The following RHOT1 variants were observed in gnomAD, a reference collection of about 807,000 sequenced individuals.
The protein encoded by RHOT1 is mitochondrial Rho GTPase 1.
In RHOT1, 27 loss-of-function variants were observed where a neutral mutation model predicts 95.3. The ratio of observed to expected loss-of-function variants is 0.28; its 90% CI spans 0.21 to 0.39. The LOEUF (loss-of-function observed/expected upper bound fraction) is 0.39. RHOT1 is among the 10% of genes least tolerant of loss of function. The pLI is 1.00. For missense variants in RHOT1, 578 were observed against 786.7 expected (o/e 0.73, Z 3.17); for synonymous variants, 227 against 263.5 (o/e 0.86, Z 1.34).
chr17:32,147,739 G>A (rs2031584228), intron 1 of RHOT1, among the ~76,000 whole-genome samples: 1 of 151,486 alleles, frequency 6.6e-6, no homozygotes, highest in Non-Finnish European at 1.5e-5. Context: ...AGAATCACTT[G>A]AACCCAGGAG....
At chr17:32,189,731 CTTTTCTTTTTT>C in intron 8 of RHOT1, among the ~76,000 whole-genome samples, 1 of 134,284 alleles carries the variant, frequency 7.4e-6, no homozygotes, top group Middle Eastern at 4.0e-3. Context: ...CTTTTCTTTT[CTTTTCTTTTTT>C]TTTTTTTTTT....
intron 9 of RHOT1, among the ~76,000 whole-genome samples, chr17:32,192,759 C>T (rs1405787093): frequency 6.6e-6 from 1 of 151,686 alleles, no homozygotes; most frequent in African/African-American, 2.4e-5. Flanking sequence ...GCAACCTCCG[C>T]TGCCCGGGTT....
intron 19 of RHOT1, among the ~76,000 whole-genome samples, chr17:32,219,664 C>G (rs540014362): frequency 6.6e-6 from 1 of 152,118 alleles, no homozygotes; most frequent in Non-Finnish European, 1.5e-5. Flanking sequence ...CAAGTCCAGA[C>G]GTGTTGGTTG....
intron 16 of RHOT1, among the ~76,000 whole-genome samples, chr17:32,205,224 G>A (rs2037626753): frequency 6.6e-6 from 1 of 151,602 alleles, no homozygotes. Flanking sequence ...GTGTCCATGT[G>A]TTCTCATTGT....
At chr17:32,184,967 C>G (rs2035920651) in intron 8 of RHOT1, among the ~76,000 whole-genome samples, 1 of 152,138 alleles carries the variant, frequency 6.6e-6, no homozygotes, top group Admixed American at 6.6e-5. Flanking sequence ...GTCACCCAGG[C>G]TGGGGTGCAG....
intron 1 of RHOT1, among the ~76,000 whole-genome samples, chr17:32,149,635 A>ATATGTGTGTGTGTGTGTGTGTGTG (rs1445281403): frequency 1.5e-4 from 9 of 59,082 alleles, no homozygotes; most frequent in Non-Finnish European, 2.1e-4. Flanking sequence ...ATATATATAT[A>ATATGTGTGTGTGTGTGTGTGTGTG]TGTGTGTGTG....
At position 32,163,735 on chromosome 17, in the gene RHOT1, AAAAG is replaced by A. The variant is rs553861108; in HGVS notation, c.38-7303_38-7300del. Among the ~76,000 whole-genome samples, 284 of 152,192 alleles carry A rather than the reference AAAAG, an allele frequency of 1.9e-3. 2 individuals carry two copies. In the South Asian group the frequency reaches 0.03, roughly 16 times the overall value. ...ACAGAGCAAGACTCCATCTCAAAAA[AAAAG>A]AAAGGGAAAAAAAAAACAAAGAATG... On this transcript the variant is annotated intron_variant, in intron 1 of 19. Coordinates refer to ENST00000545287, the MANE Select transcript of RHOT1 (RefSeq NM_001033566.3).
At chr17:32,209,335 G>T in intron 18 of RHOT1, 2 of 1,446,584 alleles carry the variant, frequency 1.4e-6, no homozygotes, top group South Asian at 1.3e-5. Context: ...AAACTCTCAT[G>T]TATGTTATCT....
chr17:32,163,076 A>G (rs1359621978), intron 1 of RHOT1, among the ~76,000 whole-genome samples: 1 of 152,108 alleles, frequency 6.6e-6, no homozygotes, highest in African/African-American at 2.4e-5. Flanking sequence ...TAGATTATTT[A>G]TGATATTCAA....
chr17:32,151,130 A>T (rs530913277), intron 1 of RHOT1: 5 of 845,044 alleles, frequency 5.9e-6, no homozygotes, highest in Admixed American at 3.4e-5. Flanking sequence ...TTACCATGAC[A>T]CTGGGTTCTT....
intron 5 of RHOT1, 32 bp from the exon 6 acceptor site, chr17:32,176,126 TATC>T: frequency 6.2e-7 from 1 of 1,601,662 alleles, no homozygotes; most frequent in Non-Finnish European, 8.5e-7. Flanking sequence ...TAAAGATCCT[TATC>T]ATGGCTAAGC....
At chr17:32,182,970 T>A in intron 7 of RHOT1, 105 bp downstream of exon 7, 2 of 836,352 alleles carry the variant, frequency 2.4e-6, no homozygotes, top group Non-Finnish European at 3.7e-6. Context: ...TTCCTGCTAT[T>A]TGTGAAGTCA....
chr17:32,175,226 G>A (rs948052111), intron 3 of RHOT1, 93 bp from the exon 4 acceptor site: 2 of 1,019,518 alleles, frequency 2.0e-6, no homozygotes, highest in Non-Finnish European at 3.1e-6. Context: ...CATTTTGAGG[G>A]ATGTTAGATG....
At chr17:32,149,629 A>ATGTG (rs1204046813) in intron 1 of RHOT1, among the ~76,000 whole-genome samples, 12 of 87,472 alleles carry the variant, frequency 1.4e-4, no homozygotes, top group South Asian at 4.3e-4. Flanking sequence ...ATATATATAT[A>ATGTG]TATATATGTG....
chr17:32,213,467 A>G (rs1375021530), intron 19 of RHOT1, among the ~76,000 whole-genome samples: 2 of 152,224 alleles, frequency 1.3e-5, no homozygotes, highest in African/African-American at 4.8e-5. Context: ...GACAGGTTCA[A>G]AATTCTTGGG....
rs139110936 is a variant in RHOT1, at chr17:32,161,694, A to G, written c.38-9349A>G. On this transcript the variant is annotated intron_variant, in intron 1 of 19. Coordinates refer to ENST00000545287, the MANE Select transcript of RHOT1 (RefSeq NM_001033566.3). Reference sequence around the variant, plus strand: ...GGTTAGAAGCAAGATGGAGTCAACTATGTCAGATTTCTCTTACTGTCATAA... The same window carrying G: ...GGTTAGAAGCAAGATGGAGTCAACTGTGTCAGATTTCTCTTACTGTCATAA... Among the ~76,000 whole-genome samples, 499 of 152,328 alleles carry G rather than the reference A, an allele frequency of 3.3e-3. 5 individuals carry two copies. Among genetic ancestry groups the G allele is most frequent in the African/African-American group, 0.012 (484 of 41,570 alleles).
chr17:32,148,726 C>T (rs868285133), intron 1 of RHOT1, among the ~76,000 whole-genome samples: 1 of 152,170 alleles, frequency 6.6e-6, no homozygotes, highest in Non-Finnish European at 1.5e-5. Context: ...ACTAAAGAAA[C>T]ATAAAAATGA....
At chr17:32,187,787 T>C (rs184710340) in intron 8 of RHOT1, among the ~76,000 whole-genome samples, 1 of 152,178 alleles carries the variant, frequency 6.6e-6, no homozygotes, top group Non-Finnish European at 1.5e-5. Flanking sequence ...CAGGCTGGTC[T>C]CGAACTCCTG....
At chr17:32,176,052 G>T (rs377098062) in intron 5 of RHOT1, 37 bp downstream of exon 5, 31 of 1,587,594 alleles carry the variant, frequency 2.0e-5, no homozygotes, top group Middle Eastern at 3.4e-4. Flanking sequence ...GTTGGTTTCA[G>T]TGGAGTGCTT....
Sources: allele counts gnomAD v4.1 joint callset (sites outside exome capture counted in the v4.1 genomes callset), GRCh38; gene constraint gnomAD v4.1.1; transcripts MANE v1.5; gene names NCBI Gene and HGNC (gene_info 2026-07-23, HGNC 2026-07-21).